The following CDH18 variants were observed in gnomAD, a reference collection of about 807,000 sequenced individuals.
The protein encoded by CDH18 is cadherin-18.
CDH18 carries 31 observed loss-of-function variants against 67.9 expected under a neutral mutation model. That is an observed-to-expected ratio of 0.46 (90% CI 0.34 to 0.62). The LOEUF is 0.62. CDH18 is among the 20% of genes least tolerant of loss of function. The pLI is 0.01. For synonymous variants in CDH18, 362 were observed against 347.2 expected (o/e 1.04, Z -0.48); for missense variants, 890 against 975.5 (o/e 0.91, Z 1.17).
intron 1 of CDH18, among the ~76,000 whole-genome samples, chr5:20,339,491 T>C (rs552574794): frequency 6.6e-6 from 1 of 151,838 alleles, no homozygotes; most frequent in Non-Finnish European, 1.5e-5. Context: ...CAAGGGACAG[T>C]TTTAGTGGAC....
chr5:20,449,348 C>T (rs1428135810), intron 1 of CDH18, among the ~76,000 whole-genome samples: 2 of 151,616 alleles, frequency 1.3e-5, no homozygotes, highest in Admixed American at 1.3e-4. Flanking sequence ...TATGGTAAGG[C>T]TAAAAAGAAA....
intron 2 of CDH18, among the ~76,000 whole-genome samples, chr5:20,242,430 T>C (rs1743000916): frequency 6.6e-6 from 1 of 151,042 alleles, no homozygotes; most frequent in Non-Finnish European, 1.5e-5. Flanking sequence ...TTCTATGAGT[T>C]CAACTTTTAA....
chr5:19,956,185 G>A (rs545050862), intron 2 of CDH18, among the ~76,000 whole-genome samples: 6 of 152,044 alleles, frequency 3.9e-5, no homozygotes, highest in South Asian at 4.1e-4. Context: ...CATTGCAAAC[G>A]GAGAATGTTT....
At chr5:19,723,899 G>A (rs1418725883) in intron 4 of CDH18, among the ~76,000 whole-genome samples, 2 of 151,886 alleles carry the variant, frequency 1.3e-5, no homozygotes, top group East Asian at 3.9e-4. Context: ...ATTTATAGTA[G>A]AGATGGGGTT....
intron 1 of CDH18, among the ~76,000 whole-genome samples, chr5:20,357,924 A>T (rs898015296): frequency 6.1e-5 from 9 of 148,292 alleles, no homozygotes; most frequent in African/African-American, 1.2e-4. Context: ...TGCAGGATTA[A>T]AAAAAAAAAT....
At chr5:19,672,609 C>A (rs1343835039) in intron 5 of CDH18, among the ~76,000 whole-genome samples, 1 of 151,906 alleles carries the variant, frequency 6.6e-6, no homozygotes, top group East Asian at 1.9e-4. Flanking sequence ...AAAATTTTCT[C>A]CACTGGTCTA....
intron 2 of CDH18, among the ~76,000 whole-genome samples, chr5:20,163,915 T>C (rs1375331756): frequency 6.6e-6 from 1 of 152,190 alleles, no homozygotes. Flanking sequence ...TACCAAAATA[T>C]TTATACATAT....
At chr5:20,162,146 A>G (rs1735935295) in intron 2 of CDH18, among the ~76,000 whole-genome samples, 1 of 151,930 alleles carries the variant, frequency 6.6e-6, no homozygotes, top group Non-Finnish European at 1.5e-5. Flanking sequence ...ACAAAGCTCA[A>G]TTTCTTTAGG....
chr5:19,919,522 G>C (rs1361467420), intron 2 of CDH18, among the ~76,000 whole-genome samples: 1 of 152,112 alleles, frequency 6.6e-6, no homozygotes, highest in East Asian at 1.9e-4. Context: ...AAATTAAATT[G>C]TGGAACATCC....
chr5:19,652,834 A>G (rs1458723884), intron 5 of CDH18, among the ~76,000 whole-genome samples: 1 of 152,152 alleles, frequency 6.6e-6, no homozygotes, highest in Admixed American at 6.5e-5. Flanking sequence ...TATGCCTATA[A>G]TTAAGATTAT....
chr5:20,494,769 G>T (rs1019788486), intron 1 of CDH18, among the ~76,000 whole-genome samples: 7 of 152,056 alleles, frequency 4.6e-5, no homozygotes, highest in Admixed American at 4.6e-4. Flanking sequence ...ATGCAGCCTC[G>T]AAACATGAGT....
chr5:19,838,655 A>G (rs1281848567), intron 3 of CDH18, 104 bp downstream of exon 3: 23 of 702,062 alleles, frequency 3.3e-5, no homozygotes, highest in Non-Finnish European at 5.4e-5. Flanking sequence ...CTACAACATA[A>G]TTTGCTTCAT....
intron 7 of CDH18, among the ~76,000 whole-genome samples, chr5:19,578,123 T>C (rs1742622622): frequency 6.6e-6 from 1 of 152,232 alleles, no homozygotes; most frequent in Admixed American, 6.5e-5. Context: ...CCTCCAGGAC[T>C]GTGAGACAGC....
chr5:20,017,340 A>G (rs1009410544), intron 2 of CDH18, among the ~76,000 whole-genome samples: 1 of 152,140 alleles, frequency 6.6e-6, no homozygotes, highest in Admixed American at 6.5e-5. Flanking sequence ...TCACTTCTAA[A>G]AAAGGGTCAA....
At chr5:20,231,755 G>A (rs2126504301) in intron 2 of CDH18, among the ~76,000 whole-genome samples, 1 of 152,242 alleles carries the variant, frequency 6.6e-6, no homozygotes, top group African/African-American at 2.4e-5. Flanking sequence ...ACAAAAAGAT[G>A]TGTTCTGATT....
chr5:20,284,556 T>TG (rs1746538859), intron 1 of CDH18, among the ~76,000 whole-genome samples: 1 of 151,960 alleles, frequency 6.6e-6, no homozygotes, highest in Non-Finnish European at 1.5e-5. Flanking sequence ...AGCATTATTC[T>TG]TCTTGTGAGT....
intron 2 of CDH18, among the ~76,000 whole-genome samples, chr5:20,137,822 C>T (rs897619921): frequency 6.6e-6 from 1 of 151,756 alleles, no homozygotes; most frequent in Non-Finnish European, 1.5e-5. Context: ...TCAGGACCCT[C>T]AGCCTACCAA....
At chr5:20,443,207 C>CTCAAAAAAGAA (rs1491460573) in intron 1 of CDH18, among the ~76,000 whole-genome samples, 1 of 25,386 alleles carries the variant, frequency 3.9e-5, no homozygotes, top group South Asian at 1.7e-3. Context: ...GAGACTCCGT[C>CTCAAAAAAGAA]ACAAAAAAAA....
chr5:20,553,199 A>G (rs184033163), intron 1 of CDH18, among the ~76,000 whole-genome samples: 1 of 152,200 alleles, frequency 6.6e-6, no homozygotes, highest in Non-Finnish European at 1.5e-5. Flanking sequence ...AAAGATTCCA[A>G]TTCATACGGT....
Sources: allele counts gnomAD v4.1 joint callset (sites outside exome capture counted in the v4.1 genomes callset), GRCh38; gene constraint gnomAD v4.1.1; transcripts MANE v1.5; gene names NCBI Gene and HGNC (gene_info 2026-07-23, HGNC 2026-07-21).